KLF16: variants seen among roughly 807,000 people sequenced by gnomAD.
The protein encoded by KLF16 is Krueppel-like factor 16.
A neutral mutation model predicts 6.1 loss-of-function variants in KLF16; 6 were observed. The ratio of observed to expected loss-of-function variants is 0.98; its 90% CI spans 0.54 to 1.93. KLF16 has a LOEUF of 1.93. Ranked by LOEUF, KLF16 falls within the 30% of genes most tolerant of loss-of-function variation. The probability of loss-of-function intolerance (pLI) is 0.01; values close to 1 mark genes in which losing one functional copy is unlikely to be tolerated. For missense variants in KLF16, 355 were observed against 363.8 expected (o/e 0.98, Z 0.20); for synonymous variants, 211 against 176.5 (o/e 1.20, Z -1.55).
At chr19:1,864,295 C>T (rs1181798553), upstream of KLF16, among the ~76,000 whole-genome samples, 2 of 152,096 alleles carry the variant, frequency 1.3e-5, no homozygotes, top group East Asian at 3.9e-4. Flanking sequence ...CCCCCCTCTT[C>T]TCCCGGCCTG....
rs1283915100 is a variant in KLF16, at chr19:1,857,499, G to A, written c.458-2739C>T. Among the ~76,000 whole-genome samples the A allele has an allele frequency of 6.6e-6, 1 of 152,170 alleles. No individual in the cohort carries two copies. The highest frequency in any genetic ancestry group is 1.9e-4 in the East Asian group (1 of 5,194). On this transcript the variant is annotated intron_variant, in intron 1 of 1. Transcript: ENST00000250916. The surrounding 1 kb of genome is among the most constrained non-coding windows in gnomAD (Gnocchi z 4.7). ...CCCGGGTGAGCTCAGGACAGCCTCG[G>A]AAACAGGCAGGCTCAGAAAAATGGA...
Position 1,863,119 on chromosome 19 carries a change from G to T in KLF16, c.379C>A (p.His127Asn). The stretch of plus-strand genomic sequence containing the variant: ...GCGCAGTCCGGGAAGGGACAGCGGT[G>T]GCTCTTGGCGGCGGCGGAGGGCGCG... ...GAAPSAAAKS[H>N]RCPFPDCAKA... The change falls in exon 1 of 2, where the codon CAC becomes AAC. Residue 127 changes from histidine to asparagine, a missense_variant. Physicochemically the swap from His to Asn is moderately conservative, Grantham distance 68. Transcript: ENST00000250916. 7.4e-7 allele frequency: 1 copy of T among 1,349,992 alleles called. No homozygotes were observed. Among genetic ancestry groups the T allele is most frequent in the South Asian group, 1.6e-5 (1 of 63,936 alleles). The allele number at this position is 1,349,992 out of a possible 1,614,324, so 83.6% of individuals were successfully genotyped here. A position where few individuals can be genotyped will look rare whatever the true frequency, so the allele number is the denominator to read the frequency against.
the KLF16 span, among the ~76,000 whole-genome samples, chr19:1,876,332 G>A: frequency 1.3e-5 from 2 of 152,238 alleles, no homozygotes; most frequent in African/African-American, 2.4e-5. Context: ...CCGCCTGGTC[G>A]CGCGACACAG....
chr19:1,872,164 T>C, the KLF16 span, among the ~76,000 whole-genome samples: 1 of 152,156 alleles, frequency 6.6e-6, no homozygotes, highest in East Asian at 1.9e-4. Context: ...GGAGTCTTGC[T>C]GTGTTGCCCA....
intron 1 of KLF16, among the ~76,000 whole-genome samples, chr19:1,855,640 C>T (rs549317546): frequency 6.6e-6 from 1 of 152,376 alleles, no homozygotes; most frequent in African/African-American, 2.4e-5. Flanking sequence ...GGTCTTTGCT[C>T]TAGAACTGTG....
intron 1 of KLF16, among the ~76,000 whole-genome samples, chr19:1,855,783 G>A (rs923710460): frequency 3.3e-5 from 5 of 152,234 alleles, no homozygotes; most frequent in African/African-American, 1.2e-4. Flanking sequence ...CCCAGGGACC[G>A]AAGCAGGACA....
Position 1,854,382 on chromosome 19 carries a change from C to G in KLF16, c.*77G>C, listed in dbSNP as rs1382477568. Reference sequence around the variant, plus strand: ...GGTTTGCCCACGGCTGGAAGGGGCCCAGGCTCCCCGTGGGTCCTCACTACA... The same window carrying G: ...GGTTTGCCCACGGCTGGAAGGGGCCGAGGCTCCCCGTGGGTCCTCACTACA... On this transcript the variant is annotated 3_prime_UTR_variant, in exon 2 of 2. Transcript: ENST00000250916. The G allele has an allele frequency of 1.5e-6, 2 of 1,359,686 alleles. No homozygotes were observed. Among genetic ancestry groups the G allele is most frequent in the African/African-American group, 3.1e-5 (2 of 64,760 alleles). The allele number at this position is 1,359,686 out of a possible 1,614,324, so 84.2% of individuals were successfully genotyped here.
the KLF16 span, among the ~76,000 whole-genome samples, chr19:1,874,313 A>C: frequency 6.6e-6 from 1 of 152,200 alleles, no homozygotes; most frequent in Non-Finnish European, 1.5e-5. Context: ...GAAAACTGGG[A>C]TAAGAGTCTA....
chr19:1,859,231 T>C (rs1414501580), intron 1 of KLF16, among the ~76,000 whole-genome samples: 1 of 152,074 alleles, frequency 6.6e-6, no homozygotes, highest in Admixed American at 6.5e-5. Context: ...AAGTGGGGCA[T>C]GGCTGCTTCC....
intron 1 of KLF16, 88 bp downstream of exon 1, chr19:1,862,953 C>G: frequency 1.2e-6 from 1 of 816,444 alleles, no homozygotes; most frequent in Non-Finnish European, 1.5e-6. Context: ...CTCCCCGCCC[C>G]CCACGCGCCA....
rs772950205 is a variant in KLF16 at position 1,854,557 on chromosome 19, C to T, written c.661G>A (p.Gly221Ser). Reference sequence around the variant, plus strand: ...TCGCTGGGGGAGGTACTGCGGGCACCAGGGCGCCGGAGCAGGTCCGGGTGG... The same window carrying T: ...TCGCTGGGGGAGGTACTGCGGGCACTAGGGCGCCGGAGCAGGTCCGGGTGG... Reference protein sequence around the residue: ...GFHPDLLRRPGARSTSPSDSL... With the variant: ...GFHPDLLRRPSARSTSPSDSL... The change falls in exon 2 of 2, where the codon GGT (glycine) becomes AGT (serine). Residue 221 changes from glycine (G) to serine (S), a missense_variant. Coordinates refer to ENST00000250916, the MANE Select transcript of KLF16 (RefSeq NM_031918.4). 21 of 1,568,266 alleles carry T rather than the reference C, an allele frequency of 1.3e-5. No homozygotes were observed. The highest frequency in any genetic ancestry group is 2.3e-5 in the South Asian group (2 of 88,034).
chr19:1,861,425 G>A (rs998140997), intron 1 of KLF16: 1 of 152,270 alleles, frequency 6.6e-6, no homozygotes. Context: ...CCACCGCCCG[G>A]AGAGGCACCT....
the KLF16 span, among the ~76,000 whole-genome samples, chr19:1,869,764 G>A: frequency 1.1e-4 from 16 of 151,940 alleles, no homozygotes; most frequent in Admixed American, 3.9e-4. Flanking sequence ...ACACCGCCAC[G>A]CCCGGCTAAA....
At chr19:1,855,828 G>C (rs1044891219) in intron 1 of KLF16, among the ~76,000 whole-genome samples, 2 of 152,228 alleles carry the variant, frequency 1.3e-5, no homozygotes, top group Non-Finnish European at 1.5e-5. Context: ...CCACCCTTTC[G>C]GGCCCTGCAC....
chr19:1,864,370 G>T (rs933027281), upstream of KLF16, among the ~76,000 whole-genome samples: 2 of 152,176 alleles, frequency 1.3e-5, no homozygotes, highest in Admixed American at 6.5e-5. Context: ...CCCCCTCGCC[G>T]CTCACAGAGC....
chr19:1,857,190 G>C lies in KLF16; in HGVS notation c.458-2430C>G, dbSNP rs2011971115. ...ATGCGCACGTGGGTGGCGGGGCAGG[G>C]GGTGCACGGGCTACCCACCCACGCT... On this transcript the variant is annotated intron_variant, in intron 1 of 1. Transcript: ENST00000250916. This position sits in a 1 kb window ranked among gnomAD's most constrained non-coding sequence, Gnocchi z 4.7. Among the ~76,000 whole-genome samples, 1 of 152,322 alleles carries C rather than the reference G, an allele frequency of 6.6e-6. No individual in the cohort carries two copies. The highest frequency in any genetic ancestry group is 2.1e-4 in the South Asian group (1 of 4,834).
rs1181305257 is a variant in KLF16, at chr19:1,854,600, G to T, written c.618C>A (p.Ala206=). The T allele has an allele frequency of 4.4e-6, 7 of 1,594,520 alleles. No homozygotes were observed. Among genetic ancestry groups the T allele is most frequent in the Non-Finnish European group, 5.9e-6 (7 of 1,177,612 alleles). ...FTRSDHLAKH[A]RRHPGFHPDL... ...CCGGGTGGAAGCCGGGGTGGCGGCG[G>T]GCGTGCTTGGCCAGGTGGTCACTGC... Residue 206 remains alanine, a synonymous_variant, in exon 2 of 2, where the codon GCC becomes GCA. Coordinates refer to ENST00000250916, the MANE Select transcript of KLF16 (RefSeq NM_031918.4).
At chr19:1,866,025 C>T (rs561755775), upstream of KLF16, among the ~76,000 whole-genome samples, 3 of 152,322 alleles carry the variant, frequency 2.0e-5, no homozygotes, top group East Asian at 3.9e-4. Context: ...AGCTGCAGGC[C>T]GGGTGCAGTG....
intron 1 of KLF16, chr19:1,861,907 G>T (rs1486961632): frequency 6.6e-6 from 1 of 152,162 alleles, no homozygotes; most frequent in Non-Finnish European, 1.5e-5. Context: ...CCTACAATCC[G>T]AGCCCACGGA....
Sources: allele counts gnomAD v4.1 joint callset (sites outside exome capture counted in the v4.1 genomes callset), GRCh38; gene constraint gnomAD v4.1.1; non-coding constraint Gnocchi (gnomAD v3.1); transcripts MANE v1.5; gene names NCBI Gene and HGNC (gene_info 2026-07-23, HGNC 2026-07-21).